The following ASTN2 variants were observed in gnomAD, a reference collection of about 807,000 sequenced individuals.
ASTN2 encodes astrotactin-2.
In ASTN2, 54 loss-of-function variants were observed where a neutral mutation model predicts 139.8. The ratio of observed to expected loss-of-function variants is 0.39; its 90% CI spans 0.31 to 0.48. ASTN2 has a LOEUF of 0.48. Ranked by LOEUF, ASTN2 falls within the 20% of genes least tolerant of loss-of-function variation. The pLI, the probability that ASTN2 is intolerant of heterozygous loss-of-function variation, is 0.95. For synonymous variants in ASTN2, 756 were observed against 719.5 expected (o/e 1.05, Z -0.81); for missense variants, 1,565 against 1,725.1 (o/e 0.91, Z 1.64).
At chr9:116,891,737 C>T (rs1833766522) in intron 10 of ASTN2, among the ~76,000 whole-genome samples, 1 of 152,150 alleles carries the variant, frequency 6.6e-6, no homozygotes. Flanking sequence ...TACTATCTTT[C>T]CACTTTCTTT....
At chr9:116,786,360 C>T (rs1191728498) in intron 13 of ASTN2, among the ~76,000 whole-genome samples, 1 of 152,102 alleles carries the variant, frequency 6.6e-6, no homozygotes, top group Non-Finnish European at 1.5e-5. Flanking sequence ...GAATATAAAC[C>T]TTCAGAGCAG....
In ASTN2 at chr9:116,680,452, G is replaced by A. The variant is rs1455555453; in HGVS notation, c.2807-28659C>T. Among the ~76,000 whole-genome samples, 6 of 152,266 alleles carry A rather than the reference G, an allele frequency of 3.9e-5. No individual in the cohort carries two copies. The East Asian group carries it at 1.2e-3, about 29-fold the overall frequency. On this transcript the variant is annotated intron_variant, in intron 16 of 22. Transcript: ENST00000313400. ...CCGAATTCTACCAGGGGTACAAGGAGGAACTGGTATCATTCCTTCTGAAAC... is the reference window on the plus strand; with the variant it reads ...CCGAATTCTACCAGGGGTACAAGGAAGAACTGGTATCATTCCTTCTGAAAC...
intron 11 of ASTN2, among the ~76,000 whole-genome samples, chr9:116,841,003 G>A (rs889499159): frequency 6.6e-6 from 1 of 151,992 alleles, no homozygotes; most frequent in African/African-American, 2.4e-5. Context: ...TGCAATCTCG[G>A]CACTTTGGGA....
In ASTN2 at chr9:116,627,261, C is replaced by T. The variant is rs943717110; in HGVS notation, c.3073-6818G>A. Among the ~76,000 whole-genome samples the T allele has an allele frequency of 3.9e-5, 6 of 152,030 alleles. No homozygotes were observed. In the East Asian group the frequency reaches 7.7e-4, roughly 20 times the overall value. On this transcript the variant is annotated intron_variant, in intron 17 of 22. Coordinates refer to ENST00000313400, the MANE Select transcript of ASTN2 (RefSeq NM_001365068.1). ...GAAAAGGTAGCAACTAGGGAGTAGC[C>T]GAGCAATGGGAAGTAGAAACCTTAA...
At chr9:117,115,276 G>A (rs1213097067) in intron 4 of ASTN2, among the ~76,000 whole-genome samples, 1 of 152,080 alleles carries the variant, frequency 6.6e-6, no homozygotes, top group Non-Finnish European at 1.5e-5. Flanking sequence ...CAGCACTTTG[G>A]GAGGCCGAGG....
chr9:117,395,460 A>C (rs966498630), intron 1 of ASTN2, among the ~76,000 whole-genome samples: 6 of 152,192 alleles, frequency 3.9e-5, no homozygotes, highest in Non-Finnish European at 7.4e-5. Context: ...ACCTCATAAA[A>C]CACAGGAACT....
At chr9:116,442,418 G>A in intron 21 of ASTN2, 35 bp downstream of exon 21, 1 of 1,519,680 alleles carries the variant, frequency 6.6e-7, no homozygotes, top group Non-Finnish European at 9.1e-7. Flanking sequence ...GGAAATATGG[G>A]AGTTACTTTG....
chr9:117,100,549 C>T (rs1247839735), intron 4 of ASTN2, among the ~76,000 whole-genome samples: 1 of 152,180 alleles, frequency 6.6e-6, no homozygotes, highest in African/African-American at 2.4e-5. Flanking sequence ...CTTCAAAACC[C>T]AGTATGCATT....
Position 116,699,673 on chromosome 9 carries a change from G to A in ASTN2, c.2806+26098C>T. 6.2e-7 allele frequency: 1 copy of A among 1,614,162 alleles called. No homozygotes were observed. Among genetic ancestry groups the A allele is most frequent in the Non-Finnish European group, 8.5e-7 (1 of 1,180,034 alleles). ...TGGGATCATTGCATCAAGATCTACA[G>A]CTACCATCTGAGAAGATATTCCACC... On this transcript the variant is annotated intron_variant, in intron 16 of 22. Coordinates refer to ENST00000313400, the MANE Select transcript of ASTN2 (RefSeq NM_001365068.1). The surrounding 1 kb of genome is among the most constrained non-coding windows in gnomAD (Gnocchi z 4.2).
At chr9:116,558,958 C>T (rs1399425593) in intron 19 of ASTN2, among the ~76,000 whole-genome samples, 2 of 152,200 alleles carry the variant, frequency 1.3e-5, no homozygotes, top group Admixed American at 1.3e-4. Flanking sequence ...TACTATGAGC[C>T]AGTCACTCTT....
chr9:117,376,971 C>T (rs1830141229), intron 1 of ASTN2, among the ~76,000 whole-genome samples: 1 of 152,092 alleles, frequency 6.6e-6, no homozygotes, highest in Non-Finnish European at 1.5e-5. Flanking sequence ...TGCCTATGCT[C>T]AAGGTACAGC....
chr9:116,629,749 C>G (rs754006397), intron 17 of ASTN2, among the ~76,000 whole-genome samples: 1 of 152,106 alleles, frequency 6.6e-6, no homozygotes, highest in Non-Finnish European at 1.5e-5. Context: ...GATGAGAGCC[C>G]GACAGAACAG....
intron 10 of ASTN2, among the ~76,000 whole-genome samples, chr9:116,906,539 G>T (rs1834167148): frequency 6.6e-6 from 1 of 152,106 alleles, no homozygotes; most frequent in South Asian, 2.1e-4. Flanking sequence ...GGAATGCCAG[G>T]TGTCTGGGCA....
chr9:116,837,849 T>C (rs987165629), intron 11 of ASTN2, among the ~76,000 whole-genome samples: 1 of 152,184 alleles, frequency 6.6e-6, no homozygotes. Flanking sequence ...AATTTCATTC[T>C]TTGCTACAAA....
intron 2 of ASTN2, among the ~76,000 whole-genome samples, chr9:117,243,140 G>C (rs957304455): frequency 6.6e-6 from 1 of 152,162 alleles, no homozygotes; most frequent in Non-Finnish European, 1.5e-5. Context: ...GGCTTAGCAA[G>C]GTCATGTGAT....
chr9:117,148,898 C>T (rs1282961250), intron 3 of ASTN2, among the ~76,000 whole-genome samples: 1 of 152,142 alleles, frequency 6.6e-6, no homozygotes, highest in Admixed American at 6.5e-5. Context: ...TGGACTTGAG[C>T]CGCAATATCA....
At chr9:116,986,207 C>T (rs1028602982) in intron 7 of ASTN2, among the ~76,000 whole-genome samples, 2 of 116,412 alleles carry the variant, frequency 1.7e-5, no homozygotes, top group African/African-American at 6.4e-5. Flanking sequence ...GATTTGGTGT[C>T]CTTGCCCCTC....
intron 2 of ASTN2, among the ~76,000 whole-genome samples, chr9:117,278,715 C>A (rs10983602): frequency 6.6e-6 from 1 of 152,204 alleles, no homozygotes; most frequent in East Asian, 1.9e-4. Flanking sequence ...TTAAAGACGC[C>A]CTTGAGCTGG....
intron 10 of ASTN2, among the ~76,000 whole-genome samples, chr9:116,869,340 AT>A (rs960301947): frequency 6.6e-6 from 1 of 152,166 alleles, no homozygotes; most frequent in African/African-American, 2.4e-5. Flanking sequence ...GGGGGACAAA[AT>A]TCATGCAATT....
Sources: gnomAD v4.1 joint callset for allele counts (sites outside exome capture counted in the v4.1 genomes callset) on GRCh38, gnomAD v4.1.1 for gene constraint, Gnocchi (gnomAD v3.1) non-coding constraint, MANE v1.5 for transcripts, NCBI Gene and HGNC (gene_info 2026-07-23, HGNC 2026-07-21) for gene names.